Variants in LDLRAD3 observed in about 807,000 individuals in gnomAD.
LDLRAD3 encodes low density lipoprotein receptor class A domain containing 3.
A neutral mutation model predicts 29.4 loss-of-function variants in LDLRAD3; 20 were observed. That is an observed-to-expected ratio of 0.68 (90% CI 0.48 to 0.99). The LOEUF is 0.99. Ranked by LOEUF, LDLRAD3 falls within the 50% of genes least tolerant of loss-of-function variation. The pLI, the probability that LDLRAD3 is intolerant of heterozygous loss-of-function variation, is 0.00. For missense variants in LDLRAD3, 420 were observed against 454.3 expected (o/e 0.92, Z 0.69); for synonymous variants, 157 against 192.7 (o/e 0.81, Z 1.53).
chr11:36,104,490 C>A (rs2133280401), intron 4 of LDLRAD3, among the ~76,000 whole-genome samples: 1 of 152,310 alleles, frequency 6.6e-6, no homozygotes, highest in East Asian at 1.9e-4. Flanking sequence ...GGCTCCAATT[C>A]TCACTGCTCT....
At chr11:36,061,170 G>A (rs369892701) in intron 2 of LDLRAD3, among the ~76,000 whole-genome samples, 2 of 151,958 alleles carry the variant, frequency 1.3e-5, no homozygotes, top group South Asian at 2.1e-4. Context: ...ACAGAGTCTC[G>A]CTCTGTTGCC....
At chr11:36,002,867 C>T (rs1851841193) in intron 1 of LDLRAD3, among the ~76,000 whole-genome samples, 1 of 152,212 alleles carries the variant, frequency 6.6e-6, no homozygotes. Flanking sequence ...CATAGAAGCT[C>T]ACAGGCATCC....
intron 4 of LDLRAD3, among the ~76,000 whole-genome samples, chr11:36,128,194 C>A (rs1429493307): frequency 6.8e-6 from 1 of 146,590 alleles, no homozygotes; most frequent in African/African-American, 2.5e-5. Context: ...AGAATTAATT[C>A]CCTGTTTGTT....
chr11:36,071,953 C>T (rs776945423), intron 2 of LDLRAD3, among the ~76,000 whole-genome samples: 4 of 152,216 alleles, frequency 2.6e-5, no homozygotes, highest in Admixed American at 1.3e-4. Context: ...TACTTCCCCA[C>T]GTGGTGGCAA....
chr11:36,012,450 C>G (rs1015432447), intron 1 of LDLRAD3, among the ~76,000 whole-genome samples: 1 of 152,150 alleles, frequency 6.6e-6, no homozygotes, highest in African/African-American at 2.4e-5. Context: ...AAAGGAAGCA[C>G]TTTACAGCTT....
At chr11:36,017,493 C>G (rs893219946) in intron 1 of LDLRAD3, among the ~76,000 whole-genome samples, 1 of 151,198 alleles carries the variant, frequency 6.6e-6, no homozygotes, top group Non-Finnish European at 1.5e-5. Context: ...TTTGATTGTG[C>G]TTTTTCTTCA....
chr11:36,107,429 C>T (rs1853545436), intron 4 of LDLRAD3, among the ~76,000 whole-genome samples: 1 of 152,134 alleles, frequency 6.6e-6, no homozygotes, highest in African/African-American at 2.4e-5. Context: ...CTCCTGACCT[C>T]AGGTGATCTG....
Position 36,229,343 on chromosome 11 carries a change from G to C in LDLRAD3, c.984G>C (p.Glu328Asp), listed in dbSNP as rs1463585060. Residue 328 changes from glutamate (E) to aspartate (D), a missense_variant, in exon 6 of 6, where the codon GAG becomes GAC. Around this residue, in one of 3 missense-constraint regions of LDLRAD3, gnomAD observed 140 missense variants for 139.9 expected, o/e 1.00. Transcript: ENST00000315571. ...GCCCGGGGCAGCCTGGCCCCCAGGA[G>C]GGCACTGCTGAGCCCAGGGACTCTG... Reference protein sequence around the residue: ...SHSPGQPGPQEGTAEPRDSEP... With the variant: ...SHSPGQPGPQDGTAEPRDSEP... 1.2e-6 allele frequency: 2 copies of C among 1,613,962 alleles called. No homozygotes were observed. The highest frequency in any genetic ancestry group is 1.7e-6 in the Non-Finnish European group (2 of 1,180,018).
At chr11:36,193,346 G>A (rs1162474180) in intron 4 of LDLRAD3, among the ~76,000 whole-genome samples, 2 of 152,072 alleles carry the variant, frequency 1.3e-5, no homozygotes, top group African/African-American at 4.8e-5. Flanking sequence ...CACCAAAATA[G>A]CTTATCTGGC....
At chr11:36,155,896 A>G (rs1200684721) in intron 4 of LDLRAD3, among the ~76,000 whole-genome samples, 2 of 152,170 alleles carry the variant, frequency 1.3e-5, no homozygotes, top group Non-Finnish European at 2.9e-5. Flanking sequence ...CCTGCCTTTA[A>G]GAAGCTGAGC....
intron 4 of LDLRAD3, among the ~76,000 whole-genome samples, chr11:36,146,683 C>T (rs1002284275): frequency 8.6e-5 from 13 of 152,040 alleles, no homozygotes. Context: ...GGCTTGTAGA[C>T]GCATCCCTGC....
intron 4 of LDLRAD3, among the ~76,000 whole-genome samples, chr11:36,168,097 T>G (rs1854541256): frequency 6.6e-6 from 1 of 152,192 alleles, no homozygotes. Context: ...GGCAGCCCGG[T>G]GACAAATGAG....
At chr11:36,133,970 G>A (rs1853967751) in intron 4 of LDLRAD3, among the ~76,000 whole-genome samples, 1 of 150,738 alleles carries the variant, frequency 6.6e-6, no homozygotes, top group Admixed American at 6.6e-5. Flanking sequence ...AGATTTCCAA[G>A]TATATATATA....
chr11:36,157,295 G>A (rs1854368276), intron 4 of LDLRAD3, among the ~76,000 whole-genome samples: 2 of 152,226 alleles, frequency 1.3e-5, no homozygotes, highest in African/African-American at 4.8e-5. Context: ...GCAGGATGTA[G>A]TCCAAAAACT....
At position 36,081,749 on chromosome 11, in the gene LDLRAD3, G is replaced by A; in HGVS notation, c.290G>A (p.Cys97Tyr). 2 of 1,614,236 alleles carry A rather than the reference G, an allele frequency of 1.2e-6. No individual in the cohort carries two copies. Among genetic ancestry groups the A allele is most frequent in the South Asian group, 1.1e-5 (1 of 91,084 alleles). The change falls in exon 3 of 6, where the codon TGT (cysteine) becomes TAT (tyrosine). Residue 97 changes from cysteine (C) to tyrosine (Y), a missense_variant. By Grantham distance (194) the Cys-to-Tyr change is radical. This residue lies in a region of LDLRAD3 where 224 missense variants were observed against 222.2 expected (regional missense o/e 1.01). Coordinates refer to ENST00000315571, the MANE Select transcript of LDLRAD3 (RefSeq NM_174902.4). ...GRFRCNGFED[C>Y]PDGSDEENCT... ...TTCCGGTGCAATGGGTTTGAGGACT[G>A]TCCCGATGGCAGCGATGAAGAGAAC...
chr11:35,997,805 G>C (rs1399029636), intron 1 of LDLRAD3: 1 of 156,654 alleles, frequency 6.4e-6, no homozygotes. Context: ...GATCAGGAAA[G>C]TGAGGCTTAA....
intron 4 of LDLRAD3, among the ~76,000 whole-genome samples, chr11:36,171,334 T>A (rs1221342823): frequency 6.6e-6 from 1 of 152,172 alleles, no homozygotes; most frequent in Admixed American, 6.6e-5. Context: ...TTTTGTTGCA[T>A]TTGCTTTTGG....
chr11:36,107,008 C>T lies in LDLRAD3; in HGVS notation c.454+8547C>T, dbSNP rs376699714. ...GAATGCAGTGGCACATGGAACTGAC[C>T]CGGACCCACCCTGCAGCTCAGGATC... On this transcript the variant is annotated intron_variant, in intron 4 of 5. Transcript: ENST00000315571. Among the ~76,000 whole-genome samples, 9 of 152,208 alleles carry T rather than the reference C, an allele frequency of 5.9e-5. No homozygotes were observed. In the South Asian group the frequency reaches 1.9e-3, roughly 32 times the overall value.
chr11:36,147,739 C>G (rs1158317878), intron 4 of LDLRAD3, among the ~76,000 whole-genome samples: 2 of 152,204 alleles, frequency 1.3e-5, no homozygotes, highest in East Asian at 3.8e-4. Context: ...TGATTCTGAC[C>G]TCTTACATCA....
Sources: allele counts gnomAD v4.1 joint callset (sites outside exome capture counted in the v4.1 genomes callset), GRCh38; gene constraint gnomAD v4.1.1; regional missense constraint gnomAD v4.1.1; transcripts MANE v1.5; gene names NCBI Gene and HGNC (gene_info 2026-07-23, HGNC 2026-07-21).